Variants in KAZN observed in about 807,000 individuals in gnomAD.
The protein encoded by KAZN is kazrin.
Under a neutral mutation model 87.4 loss-of-function variants are expected in KAZN, and 40 were observed. The observed-to-expected ratio is 0.46, with a 90% CI of 0.36 to 0.60. The LOEUF is 0.60. Ranked by LOEUF, KAZN falls within the 20% of genes least tolerant of loss-of-function variation. KAZN has a pLI of 0.00. For missense variants in KAZN, 898 were observed against 1,073.9 expected (o/e 0.84, Z 2.29); for synonymous variants, 466 against 458.3 (o/e 1.02, Z -0.22).
rs559494586 is a variant in KAZN at position 15,082,794 on chromosome 1, G to A, written c.1223-11386G>A. Among the ~76,000 whole-genome samples the A allele has an allele frequency of 3.9e-5, 6 of 152,346 alleles. No individual in the cohort carries two copies. The South Asian group carries it at 1.0e-3, about 26-fold the overall frequency. ...TGCAACTTCCACCTCCCAGGTTCAA[G>A]CGATTCTCATGCCTCAGCCTCTCAA... On this transcript the variant is annotated intron_variant, in intron 8 of 14. Transcript: ENST00000376030.
At chr1:14,125,964 G>C (rs1432914685) in intron 1 of KAZN, among the ~76,000 whole-genome samples, 2 of 133,850 alleles carry the variant, frequency 1.5e-5, no homozygotes, top group East Asian at 2.7e-4. Flanking sequence ...GGTGCGGGGT[G>C]GGGTGGGGGG....
chr1:14,469,992 A>G (rs1436767320), intron 2 of KAZN, among the ~76,000 whole-genome samples: 3 of 152,172 alleles, frequency 2.0e-5, no homozygotes, highest in African/African-American at 7.2e-5. Flanking sequence ...GATACAGCGA[A>G]CACTATTAGG....
chr1:15,034,653 T>G, intron 2 of KAZN, 96 bp from the exon 3 acceptor site: 1 of 1,444,920 alleles, frequency 6.9e-7, no homozygotes, highest in Middle Eastern at 1.8e-4. Context: ...TTCTCACCTG[T>G]TACAAAGGTG....
At chr1:14,901,943 G>A (rs1191731740) in intron 1 of KAZN, among the ~76,000 whole-genome samples, 2 of 152,170 alleles carry the variant, frequency 1.3e-5, no homozygotes, top group Non-Finnish European at 2.9e-5. Flanking sequence ...CTTGAGTGCT[G>A]CAAGGGCCTC....
At chr1:15,088,075 T>C (rs1463769057) in intron 8 of KAZN, among the ~76,000 whole-genome samples, 3 of 152,246 alleles carry the variant, frequency 2.0e-5, no homozygotes, top group African/African-American at 7.2e-5. Flanking sequence ...CGTTTCTCTA[T>C]GTGGTCTTTT....
chr1:15,067,223 C>T, intron 8 of KAZN: 1 of 985,520 alleles, frequency 1.0e-6, no homozygotes, highest in Non-Finnish European at 1.2e-6. Flanking sequence ...CACCTGAGCC[C>T]TCCACCCTCC....
In KAZN at chr1:14,856,651, T is replaced by G. The variant is rs991665805; in HGVS notation, c.227-104033T>G. ...ACACATTCTTTGGGTTTTTACATTT[T>G]GGGGAATAAATAGGCAATGACCTTC... On this transcript the variant is annotated intron_variant, in intron 1 of 14. Coordinates refer to ENST00000376030, the MANE Select transcript of KAZN (RefSeq NM_201628.3). This position sits in a 1 kb window ranked among gnomAD's most constrained non-coding sequence, Gnocchi z 5.2. Among the ~76,000 whole-genome samples the G allele has an allele frequency of 3.9e-5, 6 of 152,232 alleles. No homozygotes were observed. The highest frequency in any genetic ancestry group is 1.3e-4 in the Admixed American group (2 of 15,290).
intron 2 of KAZN, among the ~76,000 whole-genome samples, chr1:15,034,546 G>T (rs889706583): frequency 5.9e-5 from 9 of 152,192 alleles, no homozygotes; most frequent in Non-Finnish European, 1.2e-4. Flanking sequence ...GGGAGAATCG[G>T]GGCTCTCGAC....
intron 2 of KAZN, among the ~76,000 whole-genome samples, chr1:14,521,123 A>G (rs1671563491): frequency 6.6e-6 from 1 of 152,212 alleles, no homozygotes; most frequent in Non-Finnish European, 1.5e-5. Context: ...AGGGTGTTAC[A>G]GGCAGATGCT....
chr1:14,682,392 A>T (rs1426216655), intron 1 of KAZN, among the ~76,000 whole-genome samples: 18 of 151,842 alleles, frequency 1.2e-4, no homozygotes, highest in Non-Finnish European at 2.6e-4. Context: ...GGCTCAAGCA[A>T]TCCTCCAGCC....
intron 2 of KAZN, among the ~76,000 whole-genome samples, chr1:14,971,681 C>CTTTTTTTT (rs1009399616): frequency 9.5e-5 from 10 of 104,822 alleles, no homozygotes; most frequent in Non-Finnish European, 1.9e-4. Context: ...TTTTCTTTTT[C>CTTTTTTTT]TTTTTTTTTT....
chr1:14,903,613 T>TA (rs1157687533), intron 1 of KAZN, among the ~76,000 whole-genome samples: 1 of 152,186 alleles, frequency 6.6e-6, no homozygotes, highest in Non-Finnish European at 1.5e-5. Flanking sequence ...TCCTTGTGGC[T>TA]AAAGATAGGG....
chr1:14,785,048 G>A (rs78614992), intron 1 of KAZN, among the ~76,000 whole-genome samples: 2,667 of 151,914 alleles, frequency 0.018, 91 homozygotes, highest in African/African-American at 0.06. Flanking sequence ...TAAGCACGGG[G>A]GTGCATAACG....
intron 2 of KAZN, among the ~76,000 whole-genome samples, chr1:14,200,690 G>A (rs1321065910): frequency 6.6e-6 from 1 of 152,070 alleles, no homozygotes; most frequent in Non-Finnish European, 1.5e-5. Flanking sequence ...CATTTTGTAT[G>A]CATATATCTT....
At chr1:14,351,166 G>A (rs1658525768) in intron 2 of KAZN, 1 of 152,164 alleles carries the variant, frequency 6.6e-6, no homozygotes, top group African/African-American at 2.4e-5. Flanking sequence ...TCGAATCTCT[G>A]GCTTGTAAAG....
intron 1 of KAZN, among the ~76,000 whole-genome samples, chr1:13,908,765 AC>A (rs1181674248): frequency 1.3e-5 from 2 of 152,200 alleles, no homozygotes; most frequent in Non-Finnish European, 2.9e-5. Flanking sequence ...AAGTGGTGGA[AC>A]AGGCCCGAGC....
chr1:14,120,607 C>T (rs900376564), intron 1 of KAZN, among the ~76,000 whole-genome samples: 7 of 152,182 alleles, frequency 4.6e-5, no homozygotes, highest in Non-Finnish European at 8.8e-5. Flanking sequence ...CCAAATATAA[C>T]TGACTTTGAA....
chr1:15,103,451 C>T lies in KAZN; in HGVS notation c.1872C>T (p.Ile624=), dbSNP rs1347753244. 1.9e-6 allele frequency: 3 copies of T among 1,548,482 alleles called. No homozygotes were observed. Among genetic ancestry groups the T allele is most frequent in the Non-Finnish European group, 2.6e-6 (3 of 1,146,128 alleles). The change falls in exon 12 of 15, where the codon ATC becomes ATT. Residue 624 remains isoleucine, a synonymous_variant. Coordinates refer to ENST00000376030, the MANE Select transcript of KAZN (RefSeq NM_201628.3). ...NQRVLKWVRD[I]DLKEYADNLT... is the part of the protein sequence containing the mutation. ...GGGTGCTCAAGTGGGTTCGAGACAT[C>T]GACCTGAAGGTGAGGGTGATAGCGG...
chr1:14,871,248 G>A (rs528196214), intron 1 of KAZN, among the ~76,000 whole-genome samples: 3 of 152,254 alleles, frequency 2.0e-5, no homozygotes, highest in Admixed American at 6.5e-5. Context: ...TAGGTTTGGG[G>A]AATTGCCCAA....
Sources: gnomAD v4.1 joint callset for allele counts (sites outside exome capture counted in the v4.1 genomes callset) on GRCh38, gnomAD v4.1.1 for gene constraint, Gnocchi (gnomAD v3.1) non-coding constraint, MANE v1.5 for transcripts, NCBI Gene and HGNC (gene_info 2026-07-23, HGNC 2026-07-21) for gene names.